Variants in ANKRD60 observed in about 807,000 individuals in gnomAD.
ANKRD60 encodes the protein ankyrin repeat domain 60.
Under a neutral mutation model 21.3 loss-of-function variants are expected in ANKRD60, and 24 were observed. That is an observed-to-expected ratio of 1.13 (90% CI 0.82 to 1.59). The LOEUF (loss-of-function observed/expected upper bound fraction) is 1.59, where lower values mean the gene tolerates loss of function less well. ANKRD60 is among the 40% of genes most tolerant of loss of function. The probability of loss-of-function intolerance (pLI) is 0.00; values close to 1 mark genes in which losing one functional copy is unlikely to be tolerated. For synonymous variants in ANKRD60, 182 were observed against 199.4 expected, an observed-to-expected ratio of 0.91 and a Z score of 0.74; for missense variants, 490 against 466.7, an observed-to-expected ratio of 1.05 and a Z score of -0.46.
exon 4 of ANKRD60, chr20:58,218,621 C>G: frequency 6.4e-7 from 1 of 1,551,804 alleles, no homozygotes; most frequent in Non-Finnish European, 8.7e-7. Context: ...GGAGGACCAT[C>G]TGCCTCTCGC....
chr20:58,224,834 A>G (rs1199388378), intron 1 of ANKRD60, among the ~76,000 whole-genome samples: 1 of 152,230 alleles, frequency 6.6e-6, no homozygotes, highest in East Asian at 1.9e-4. Flanking sequence ...ACAGGCAGCC[A>G]CTGCCTTGGA....
downstream of ANKRD60, among the ~76,000 whole-genome samples, chr20:58,217,167 A>T (rs892818260): frequency 6.6e-6 from 1 of 152,240 alleles, no homozygotes; most frequent in African/African-American, 2.4e-5. Flanking sequence ...GTGGTGGCTC[A>T]TGCCTGTAAA....
rs1045629183 is a variant in ANKRD60, at chr20:58,228,392, C to T, written c.262G>A (p.Asp88Asn). ...AGGACGAAGACGTCAGGGGCCAAGT[C>T]GGGCAAGGCACTCGCGGCCTTCGGG... The change falls in exon 1 of 4, where the codon GAC becomes AAC. Residue 88 changes from aspartate to asparagine, a missense_variant. Coordinates refer to ENST00000457363, the Ensembl canonical transcript of ANKRD60. This position sits in a 1 kb window ranked among gnomAD's most constrained non-coding sequence, Gnocchi z 5.3. 6 of 1,547,024 alleles carry T rather than the reference C, an allele frequency of 3.9e-6. No homozygotes were observed. In the African/African-American group the frequency reaches 5.5e-5, roughly 14 times the overall value.
At chr20:58,218,664 A>G (rs1277473018) in exon 4 of ANKRD60, 2 of 1,551,732 alleles carry the variant, frequency 1.3e-6, no homozygotes, top group Non-Finnish European at 1.7e-6. Context: ...TGCAATGGAG[A>G]TGGGGGTCTC....
chr20:58,227,521 G>C (rs1193055106), intron 1 of ANKRD60, among the ~76,000 whole-genome samples: 1 of 151,838 alleles, frequency 6.6e-6, no homozygotes, highest in African/African-American at 2.4e-5. Flanking sequence ...CTGGCATCCT[G>C]GGGGGGATGT....
chr20:58,222,877 A>G (rs1292496083), intron 2 of ANKRD60, among the ~76,000 whole-genome samples, 175 bp downstream of exon 2: 1 of 152,242 alleles, frequency 6.6e-6, no homozygotes, highest in Non-Finnish European at 1.5e-5. Context: ...TGGTAAACCC[A>G]AGGAGTGAAG....
At chr20:58,216,273 C>A (rs796706375), downstream of ANKRD60, among the ~76,000 whole-genome samples, 17 of 152,240 alleles carry the variant, frequency 1.1e-4, no homozygotes, top group African/African-American at 4.1e-4. Context: ...AAAATGTCAC[C>A]ATGAAGAGTT....
chr20:58,216,311 G>A (rs1791848519), downstream of ANKRD60, among the ~76,000 whole-genome samples: 2 of 152,206 alleles, frequency 1.3e-5, no homozygotes, highest in Admixed American at 1.3e-4. Context: ...CTGGCCAAGT[G>A]CTTAATTGAA....
At chr20:58,217,157 G>A (rs1195879338), downstream of ANKRD60, among the ~76,000 whole-genome samples, 1 of 152,236 alleles carries the variant, frequency 6.6e-6, no homozygotes, top group Non-Finnish European at 1.5e-5. Context: ...CTGGCCGGGT[G>A]TGGTGGCTCA....
intron 1 of ANKRD60, among the ~76,000 whole-genome samples, chr20:58,225,800 T>G (rs947381518): frequency 1.3e-5 from 2 of 152,246 alleles, no homozygotes; most frequent in African/African-American, 4.8e-5. Context: ...CTTCATTTTC[T>G]TGAAGTGTGT....
chr20:58,221,114 T>C (rs1422308224), intron 3 of ANKRD60, among the ~76,000 whole-genome samples: 7 of 152,240 alleles, frequency 4.6e-5, no homozygotes, highest in African/African-American at 1.7e-4. Context: ...GAAAGAATCT[T>C]CTCGAGACCT....
Position 58,222,789 on chromosome 20 carries a change from G to T in ANKRD60, c.561+263C>A, listed in dbSNP as rs146009002. Among the ~76,000 whole-genome samples the T allele has an allele frequency of 7.6e-4, 116 of 152,276 alleles. No homozygotes were observed. The Middle Eastern group carries it at 0.031, about 40-fold the overall frequency. The stretch of plus-strand genomic sequence containing the variant: ...ATCACTTATAAACATGAATAGAAAC[G>T]TGCTGCCTCGACTCCTTTGCGGGGA... On this transcript the variant is annotated intron_variant, in intron 2 of 3. Transcript: ENST00000457363.
In ANKRD60 at chr20:58,228,539, T is replaced by A; in HGVS notation, c.115A>T (p.Ser39Cys). The A allele has an allele frequency of 7.5e-7, 1 of 1,324,768 alleles. No homozygotes were observed. Among genetic ancestry groups the A allele is most frequent in the Non-Finnish European group, 9.6e-7 (1 of 1,041,558 alleles). 82.1% of individuals were successfully genotyped at this position (1,324,768 alleles called of 1,614,324 possible). The change falls in exon 1 of 4, where the codon AGC becomes TGC. Residue 39 changes from serine to cysteine, a missense_variant. Coordinates refer to ENST00000457363, the Ensembl canonical transcript of ANKRD60. This position sits in a 1 kb window ranked among gnomAD's most constrained non-coding sequence, Gnocchi z 5.3. Reference sequence around the variant, plus strand: ...CCCTGAGCCCCGGCCCGCGCACCGCTCCTGCGTCCCGCATTGGGGTGCAGG... The same window carrying A: ...CCCTGAGCCCCGGCCCGCGCACCGCACCTGCGTCCCGCATTGGGGTGCAGG...
In ANKRD60 at chr20:58,228,559, T is replaced by G. The variant is rs1323459622; in HGVS notation, c.95A>C (p.His32Pro). ...ACCGCTCCTGCGTCCCGCATTGGGG[T>G]GCAGGCGAGAGGCGCCCCCAGTTGG... Residue 32 changes from histidine to proline, a missense_variant, in exon 1 of 4, where the codon CAC becomes CCC. By Grantham distance (77) the His-to-Pro change is moderately conservative. Transcript: ENST00000457363. The surrounding 1 kb of genome is among the most constrained non-coding windows in gnomAD (Gnocchi z 5.3). 1 of 1,262,224 alleles carries G rather than the reference T, an allele frequency of 7.9e-7. No individual in the cohort carries two copies. Among genetic ancestry groups the G allele is most frequent in the African/African-American group, 1.6e-5 (1 of 63,452 alleles). The allele number at this position is 1,262,224 out of a possible 1,614,324, so 78.2% of individuals were successfully genotyped here.
chr20:58,221,804 C>T (rs936216750), intron 2 of ANKRD60, among the ~76,000 whole-genome samples: 1 of 152,114 alleles, frequency 6.6e-6, no homozygotes. Flanking sequence ...CAGGTGTCCA[C>T]AGGAAGGTGG....
chr20:58,221,383 A>G (rs1371713564), exon 3 of ANKRD60: 1 of 1,552,084 alleles, frequency 6.4e-7, no homozygotes, highest in South Asian at 1.2e-5. Context: ...CCTCTGTGTG[A>G]GGCCACATAC....
intron 3 of ANKRD60, among the ~76,000 whole-genome samples, chr20:58,220,682 TAG>T (rs1984231575): frequency 1.9e-5 from 2 of 103,866 alleles, no homozygotes; most frequent in East Asian, 2.9e-4. Context: ...GGGTTTTTTC[TAG>T]TGTGTGTGTG....
intron 1 of ANKRD60, 87 bp from the exon 2 acceptor site, chr20:58,223,269 T>A: frequency 1.8e-6 from 2 of 1,118,254 alleles, no homozygotes; most frequent in Non-Finnish European, 2.5e-6. Flanking sequence ...TATCTGACCT[T>A]GAGTGCCACA....
chr20:58,219,299 T>C lies in ANKRD60; in HGVS notation c.728-494A>G, dbSNP rs142336221. 6.2e-4 allele frequency among the ~76,000 whole-genome samples: 95 copies of C among 152,346 alleles called. 1 individual carries two copies. The East Asian group carries it at 0.016, about 25-fold the overall frequency. On this transcript the variant is annotated intron_variant, in intron 3 of 3. Transcript: ENST00000457363. ...AATCTTCCTTAGTTCTCCCACCCCATGAAACCTCCTGTGTAAGCTCAATAG... is the reference window on the plus strand; with the variant it reads ...AATCTTCCTTAGTTCTCCCACCCCACGAAACCTCCTGTGTAAGCTCAATAG...
Sources: allele counts gnomAD v4.1 joint callset (sites outside exome capture counted in the v4.1 genomes callset), GRCh38; gene constraint gnomAD v4.1.1; non-coding constraint Gnocchi (gnomAD v3.1); transcripts MANE v1.5; gene names NCBI Gene and HGNC (gene_info 2026-07-23, HGNC 2026-07-21).